The following RAPGEF5 variants were observed in gnomAD, a reference collection of about 807,000 sequenced individuals.
RAPGEF5 encodes the protein M-Ras-regulated GEF.
A neutral mutation model predicts 125.2 loss-of-function variants in RAPGEF5; 65 were observed. That is an observed-to-expected ratio of 0.52 (90% CI 0.43 to 0.64). RAPGEF5 has a LOEUF of 0.64. RAPGEF5 is among the 30% of genes least tolerant of loss of function. RAPGEF5 has a pLI of 0.00. For synonymous variants in RAPGEF5, 391 were observed against 385.9 expected (o/e 1.01, Z -0.16); for missense variants, 958 against 1,048.1 (o/e 0.91, Z 1.19).
intron 9 of RAPGEF5, among the ~76,000 whole-genome samples, chr7:22,214,785 G>A (rs1036059697): frequency 6.6e-6 from 1 of 151,660 alleles, no homozygotes; most frequent in Non-Finnish European, 1.5e-5. Context: ...TGTGGTTCCG[G>A]TTACCTTGGC....
chr7:22,244,327 G>A (rs565624380), intron 7 of RAPGEF5, among the ~76,000 whole-genome samples: 6 of 152,174 alleles, frequency 3.9e-5, no homozygotes, highest in Non-Finnish European at 5.9e-5. Flanking sequence ...CCCACGCCAC[G>A]GACTGGTGCT....
At chr7:22,349,789 T>C (rs1231359308) in intron 1 of RAPGEF5, among the ~76,000 whole-genome samples, 1 of 152,236 alleles carries the variant, frequency 6.6e-6, no homozygotes, top group Non-Finnish European at 1.5e-5. Flanking sequence ...GCTACAGTCT[T>C]TGAAATCAGG....
At chr7:22,239,816 A>G (rs1562777301) in intron 7 of RAPGEF5, among the ~76,000 whole-genome samples, 1 of 152,198 alleles carries the variant, frequency 6.6e-6, no homozygotes. Flanking sequence ...TAGAGCATAA[A>G]TACTTATCCC....
In RAPGEF5 at chr7:22,342,525, T is replaced by G. The variant is rs192413904; in HGVS notation, c.231+14305A>C. 4.0e-3 allele frequency among the ~76,000 whole-genome samples: 605 copies of G among 152,378 alleles called. 13 individuals are homozygous for G. The highest frequency in any genetic ancestry group is 0.033 in the Admixed American group (512 of 15,310). ...CTCCTCAGAAAATGGGATATTCTTT[T>G]CTATCACATTGTCAGGCTGCAAATT... On this transcript the variant is annotated intron_variant, in intron 1 of 25. Transcript: ENST00000665637.
intron 11 of RAPGEF5, chr7:22,192,193 CTGTT>C (rs1785017743): frequency 6.5e-6 from 1 of 153,022 alleles, no homozygotes; most frequent in South Asian, 2.1e-4. Flanking sequence ...TTTCTTTTAG[CTGTT>C]TATTTAGTGC....
chr7:22,226,831 A>G (rs1785930484), intron 8 of RAPGEF5, among the ~76,000 whole-genome samples: 1 of 152,182 alleles, frequency 6.6e-6, no homozygotes, highest in South Asian at 2.1e-4. Context: ...TCACCTTTGT[A>G]TAGGATGGAC....
chr7:22,154,380 C>T, intron 17 of RAPGEF5, 75 bp downstream of exon 17: 3 of 1,530,290 alleles, frequency 2.0e-6, no homozygotes, highest in Non-Finnish European at 2.7e-6. Context: ...CACTTTTACT[C>T]TACAAAAATG....
intron 2 of RAPGEF5, among the ~76,000 whole-genome samples, 182 bp from the exon 3 acceptor site, chr7:22,315,658 C>T (rs944921272): frequency 1.3e-5 from 2 of 150,848 alleles, no homozygotes; most frequent in African/African-American, 4.9e-5. Context: ...AAACCTACAA[C>T]TATCTTACTT....
chr7:22,191,786 G>T, intron 11 of RAPGEF5: 1 of 402,746 alleles, frequency 2.5e-6, no homozygotes. Flanking sequence ...GAGCACCTGA[G>T]CCATTTTCTC....
At chr7:22,318,873 G>A (rs943045778) in intron 1 of RAPGEF5, among the ~76,000 whole-genome samples, 7 of 152,160 alleles carry the variant, frequency 4.6e-5, no homozygotes, top group Non-Finnish European at 1.0e-4. Context: ...GTTTTTCTGT[G>A]TGTCCATTTG....
chr7:22,290,288 T>C (rs1238291418), intron 6 of RAPGEF5, among the ~76,000 whole-genome samples: 1 of 152,108 alleles, frequency 6.6e-6, no homozygotes, highest in East Asian at 1.9e-4. Context: ...GCTAGAAAAG[T>C]TTCCAAACAG....
chr7:22,248,366 T>C (rs1011335472), intron 7 of RAPGEF5, among the ~76,000 whole-genome samples: 3 of 152,194 alleles, frequency 2.0e-5, no homozygotes, highest in Non-Finnish European at 4.4e-5. Flanking sequence ...AATGCTAAGC[T>C]TGAATTCTAA....
chr7:22,348,924 T>C (rs1443155680), intron 1 of RAPGEF5, among the ~76,000 whole-genome samples: 1 of 150,946 alleles, frequency 6.6e-6, no homozygotes, highest in East Asian at 1.9e-4. Context: ...CCATCTCTAC[T>C]AAAAATACAA....
intron 7 of RAPGEF5, among the ~76,000 whole-genome samples, chr7:22,265,640 G>A (rs866471102): frequency 2.0e-5 from 3 of 151,710 alleles, no homozygotes; most frequent in Non-Finnish European, 4.4e-5. Context: ...TGACATTTTT[G>A]AAGAACCTCC....
intron 5 of RAPGEF5, among the ~76,000 whole-genome samples, chr7:22,305,313 C>T (rs1783311311): frequency 6.6e-6 from 1 of 152,166 alleles, no homozygotes; most frequent in Non-Finnish European, 1.5e-5. Context: ...TTTCTATTAG[C>T]ACAGTCTCAT....
intron 7 of RAPGEF5, among the ~76,000 whole-genome samples, chr7:22,248,401 A>G (rs1023174737): frequency 6.6e-6 from 1 of 152,180 alleles, no homozygotes; most frequent in Admixed American, 6.5e-5. Flanking sequence ...TCAGTGATGA[A>G]GCTGAGAACT....
At chr7:22,283,043 A>AT (rs1160221571) in intron 6 of RAPGEF5, among the ~76,000 whole-genome samples, 2 of 117,662 alleles carry the variant, frequency 1.7e-5, no homozygotes, top group Non-Finnish European at 3.3e-5. Context: ...TTCTGTAAAA[A>AT]AATACACACA....
chr7:22,127,008 G>T (rs1396376269), intron 24 of RAPGEF5, among the ~76,000 whole-genome samples: 1 of 147,390 alleles, frequency 6.8e-6, no homozygotes, highest in Non-Finnish European at 1.5e-5. Context: ...TTCTTTCCTT[G>T]AAGTCCTCAC....
At chr7:22,339,223 G>A (rs770022359) in intron 1 of RAPGEF5, among the ~76,000 whole-genome samples, 63 of 152,288 alleles carry the variant, frequency 4.1e-4, no homozygotes, top group Non-Finnish European at 7.4e-4. Context: ...AAGAATCAGC[G>A]GAGAAAGGAT....
Sources: allele counts gnomAD v4.1 joint callset (sites outside exome capture counted in the v4.1 genomes callset), GRCh38; gene constraint gnomAD v4.1.1; transcripts MANE v1.5; gene names NCBI Gene and HGNC (gene_info 2026-07-23, HGNC 2026-07-21).